Variants in ROR2 observed in about 807,000 individuals in gnomAD.
ROR2 encodes the protein tyrosine-protein kinase transmembrane receptor ROR2.
In ROR2, 33 loss-of-function variants were observed where a neutral mutation model predicts 74.9. The observed-to-expected ratio is 0.44, with a 90% CI of 0.33 to 0.59. The LOEUF is 0.59. Ranked by LOEUF, ROR2 falls within the 20% of genes least tolerant of loss-of-function variation. The pLI is 0.02. For synonymous variants in ROR2, 586 were observed against 558.7 expected, an observed-to-expected ratio of 1.05 and a Z score of -0.69; for missense variants, 1,216 against 1,313.8, an observed-to-expected ratio of 0.93 and a Z score of 1.15.
chr9:91,856,060 T>C (rs563528485), intron 1 of ROR2, among the ~76,000 whole-genome samples: 5 of 152,294 alleles, frequency 3.3e-5, no homozygotes, highest in East Asian at 1.9e-4. Context: ...GAAAAACGAA[T>C]TGTCCTTGTA....
At chr9:91,725,840 C>T (rs994310981) in intron 8 of ROR2, among the ~76,000 whole-genome samples, 1 of 152,172 alleles carries the variant, frequency 6.6e-6, no homozygotes, top group South Asian at 2.1e-4. Flanking sequence ...GTGCCCTCCT[C>T]GCTGGCCAGC....
At position 91,872,399 on chromosome 9, in the gene ROR2, C is replaced by G. The variant is rs537792559; in HGVS notation, c.97+77468G>C. On this transcript the variant is annotated intron_variant, in intron 1 of 8. Transcript: ENST00000375708. ...GAAGCCTGACAAATGTCCATGAACC[C>G]CAAGATTTCCAATACATCCAATGAC... is the stretch of plus-strand genomic sequence containing the variant. 1.5e-4 allele frequency among the ~76,000 whole-genome samples: 23 copies of G among 152,300 alleles called. No individual in the cohort carries two copies. In the South Asian group the frequency reaches 4.6e-3, roughly 30 times the overall value.
chr9:91,819,155 C>T (rs917299142), intron 1 of ROR2, among the ~76,000 whole-genome samples: 1 of 152,168 alleles, frequency 6.6e-6, no homozygotes, highest in Non-Finnish European at 1.5e-5. Context: ...ATGATCTCTG[C>T]AGCCCCCGCA....
At chr9:91,751,550 C>G (rs1825596000) in intron 4 of ROR2, among the ~76,000 whole-genome samples, 1 of 152,112 alleles carries the variant, frequency 6.6e-6, no homozygotes, top group South Asian at 2.1e-4. Context: ...CCCACAAAAA[C>G]CTATATAACC....
At chr9:91,876,640 C>A (rs1829963011) in intron 1 of ROR2, among the ~76,000 whole-genome samples, 1 of 151,920 alleles carries the variant, frequency 6.6e-6, no homozygotes, top group Non-Finnish European at 1.5e-5. Flanking sequence ...ACTCAAGAGC[C>A]AAAAGAAAGA....
chr9:91,783,034 C>T (rs867299212), intron 1 of ROR2, among the ~76,000 whole-genome samples: 15 of 152,274 alleles, frequency 9.9e-5, no homozygotes, highest in Middle Eastern at 3.4e-3. Flanking sequence ...GTTCCTTCTG[C>T]GGCTGGGAGA....
At chr9:91,914,014 T>TA (rs1326650973) in intron 1 of ROR2, among the ~76,000 whole-genome samples, 5 of 151,970 alleles carry the variant, frequency 3.3e-5, no homozygotes, top group African/African-American at 1.2e-4. Context: ...AATAAGATGG[T>TA]AAAGTCTCTC....
At chr9:91,773,376 A>AT (rs1340684491) in intron 2 of ROR2, among the ~76,000 whole-genome samples, 8 of 151,292 alleles carry the variant, frequency 5.3e-5, no homozygotes, top group Non-Finnish European at 1.0e-4. Context: ...CTGCCGTGTG[A>AT]TTTTTTCACA....
rs867766688 is a variant in ROR2, at chr9:91,796,985, T to C, written c.98-21167A>G. 5.5e-3 allele frequency among the ~76,000 whole-genome samples: 313 copies of C among 57,208 alleles called. 2 individuals are homozygous for C. The highest frequency in any genetic ancestry group is 0.023 in the East Asian group (31 of 1,342). The allele number at this position is 57,208 out of a possible 152,430, so 37.5% of individuals were successfully genotyped here. ...GGGCTGACACCCTGGGCTCTGTGGG[T>C]GGGGCTGACACCCTGGGCTCTGTGG... On this transcript the variant is annotated intron_variant, in intron 1 of 8. Coordinates refer to ENST00000375708, the MANE Select transcript of ROR2 (RefSeq NM_004560.4).
At chr9:91,762,146 C>T (rs1004909994) in intron 2 of ROR2, among the ~76,000 whole-genome samples, 1 of 152,188 alleles carries the variant, frequency 6.6e-6, no homozygotes, top group South Asian at 2.1e-4. Context: ...ATCACTCCAC[C>T]CTCTGCTTCC....
chr9:91,909,857 T>TG lies in ROR2; in HGVS notation c.97+40009_97+40010insC, dbSNP rs1276753101. Among the ~76,000 whole-genome samples the TG allele has an allele frequency of 1.0e-4, 13 of 124,456 alleles. No individual in the cohort carries two copies. In the South Asian group the frequency reaches 1.4e-3, roughly 13 times the overall value. 81.6% of individuals were successfully genotyped at this position (124,456 alleles called of 152,430 possible). On this transcript the variant is annotated intron_variant, in intron 1 of 8. Coordinates refer to ENST00000375708, the MANE Select transcript of ROR2 (RefSeq NM_004560.4). ...TTTTAGGTTTGTTTTGTTTTTTTTT[T>TG]TTTTTTTTTTTTTTAGTTTTTTTCA...
Position 91,730,964 on chromosome 9 carries a change from A to G in ROR2, c.1129T>C (p.Cys377Arg). The stretch of plus-strand genomic sequence containing the variant: ...CGTACGTTTTTATTCTGCGTAAAGC[A>G]CCAGGGGCCCTCCATCTGGCCTCCG... ...NPGGQMEGPW[C>R]FTQNKNVRME... Residue 377 changes from cysteine (C) to arginine (R), a missense_variant, in exon 7 of 9, where the codon TGC becomes CGC. Cys to Arg is a radical substitution (Grantham distance 180, BLOSUM62 -3). Coordinates refer to ENST00000375708, the MANE Select transcript of ROR2 (RefSeq NM_004560.4). The G allele has an allele frequency of 6.2e-7, 1 of 1,614,196 alleles. No individual in the cohort carries two copies. The highest frequency in any genetic ancestry group is 1.3e-5 in the African/African-American group (1 of 75,044).
intron 1 of ROR2, among the ~76,000 whole-genome samples, chr9:91,941,219 G>A (rs1360040290): frequency 2.7e-5 from 4 of 150,922 alleles, no homozygotes; most frequent in African/African-American, 4.9e-5. Context: ...AGATGGTCTC[G>A]ATCTGCTGAC....
intron 1 of ROR2, among the ~76,000 whole-genome samples, chr9:91,900,383 C>CA (rs1830643163): frequency 6.6e-6 from 1 of 152,264 alleles, no homozygotes; most frequent in South Asian, 2.1e-4. Context: ...GCACAGCAGG[C>CA]AGCCGACCCT....
intron 1 of ROR2, among the ~76,000 whole-genome samples, chr9:91,854,365 A>C (rs1183495263): frequency 6.6e-6 from 1 of 151,990 alleles, no homozygotes; most frequent in Non-Finnish European, 1.5e-5. Flanking sequence ...CAATGGCAAC[A>C]CTCTCCACTA....
intron 1 of ROR2, among the ~76,000 whole-genome samples, chr9:91,860,716 G>C (rs775329684): frequency 3.3e-5 from 5 of 152,152 alleles, no homozygotes; most frequent in Admixed American, 2.6e-4. Flanking sequence ...AGCTCCGGGA[G>C]AGAGACACCT....
intron 1 of ROR2, among the ~76,000 whole-genome samples, chr9:91,849,149 G>T (rs1188865901): frequency 6.6e-6 from 1 of 152,114 alleles, no homozygotes; most frequent in Non-Finnish European, 1.5e-5. Context: ...CTTACCATGG[G>T]ACCAAACCCT....
At chr9:91,758,777 G>A (rs1487452042) in intron 2 of ROR2, among the ~76,000 whole-genome samples, 2 of 152,250 alleles carry the variant, frequency 1.3e-5, no homozygotes, top group African/African-American at 4.8e-5. Flanking sequence ...GGAGGGATGT[G>A]TGTGAGTATG....
chr9:91,730,292 T>C (rs749672338), intron 7 of ROR2, among the ~76,000 whole-genome samples: 10 of 152,030 alleles, frequency 6.6e-5, no homozygotes, highest in African/African-American at 9.7e-5. Context: ...CCCAGGACCA[T>C]CCATACATGG....
Sources: allele counts gnomAD v4.1 joint callset (sites outside exome capture counted in the v4.1 genomes callset), GRCh38; gene constraint gnomAD v4.1.1; transcripts MANE v1.5; gene names NCBI Gene and HGNC (gene_info 2026-07-23, HGNC 2026-07-21).